The following GPC5 variants were observed in gnomAD, a reference collection of about 807,000 sequenced individuals.
GPC5 encodes the protein glypican 5, also known as glypican-5.
In GPC5, 47 loss-of-function variants were observed where a neutral mutation model predicts 53.9. The ratio of observed to expected loss-of-function variants is 0.87; its 90% CI spans 0.69 to 1.11. The LOEUF is 1.11. Ranked by LOEUF, GPC5 falls within the 50% of genes most tolerant of loss-of-function variation. The pLI, the probability that GPC5 is intolerant of heterozygous loss-of-function variation, is 0.00. For missense variants in GPC5, 748 were observed against 713.1 expected (o/e 1.05, Z -0.56); for synonymous variants, 286 against 263.3 (o/e 1.09, Z -0.84).
In GPC5 at chr13:92,180,153, T is replaced by A. The variant is rs61967882; in HGVS notation, c.1561+35164T>A. 5.0e-3 allele frequency among the ~76,000 whole-genome samples: 755 copies of A among 152,324 alleles called. 6 individuals are homozygous for A. Among genetic ancestry groups the A allele is most frequent in the Middle Eastern group, 6.8e-3 (2 of 294 alleles). On this transcript the variant is annotated intron_variant, in intron 7 of 7. Coordinates refer to ENST00000377067, the MANE Select transcript of GPC5 (RefSeq NM_004466.6). ...CATGTGGTGGTCCAGGATACCCAGCTTATGCATGAAAACTGCAGGTTTGGT... is the reference window on the plus strand; with the variant it reads ...CATGTGGTGGTCCAGGATACCCAGCATATGCATGAAAACTGCAGGTTTGGT...
chr13:91,914,014 T>G (rs1314095795), intron 6 of GPC5, among the ~76,000 whole-genome samples: 2 of 152,332 alleles, frequency 1.3e-5, no homozygotes, highest in East Asian at 3.9e-4. Context: ...TGCGAGAGCC[T>G]TTTTAATTTA....
At chr13:91,655,457 A>C (rs2034822799) in intron 2 of GPC5, among the ~76,000 whole-genome samples, 1 of 152,152 alleles carries the variant, frequency 6.6e-6, no homozygotes, top group Non-Finnish European at 1.5e-5. Context: ...TTTTTAAATT[A>C]AATATATCAC....
chr13:92,746,707 C>A (rs1032101447), intron 7 of GPC5, among the ~76,000 whole-genome samples: 1 of 152,080 alleles, frequency 6.6e-6, no homozygotes, highest in African/African-American at 2.4e-5. Context: ...AACACAATAT[C>A]CTGATGTGGG....
chr13:92,164,427 T>C (rs983959758), intron 7 of GPC5, among the ~76,000 whole-genome samples: 2 of 152,098 alleles, frequency 1.3e-5, no homozygotes, highest in Admixed American at 1.3e-4. Flanking sequence ...AAATCCAAAA[T>C]CCAATAGGGC....
intron 7 of GPC5, among the ~76,000 whole-genome samples, chr13:92,417,296 C>T (rs1876355207): frequency 6.6e-6 from 1 of 152,068 alleles, no homozygotes; most frequent in Non-Finnish European, 1.5e-5. Flanking sequence ...AATGAACACT[C>T]CGATGAGATA....
intron 7 of GPC5, among the ~76,000 whole-genome samples, chr13:92,250,293 C>T (rs1383938930): frequency 3.3e-5 from 5 of 152,184 alleles, no homozygotes; most frequent in Admixed American, 1.3e-4. Context: ...GAGTTTTGCT[C>T]GTAATACGTG....
intron 7 of GPC5, among the ~76,000 whole-genome samples, chr13:92,411,463 T>C (rs1334619622): frequency 6.6e-6 from 1 of 152,184 alleles, no homozygotes; most frequent in East Asian, 1.9e-4. Context: ...CATGTAAATA[T>C]TATTGTGGAG....
chr13:92,071,845 A>G (rs1271237470), intron 6 of GPC5, among the ~76,000 whole-genome samples: 1 of 147,548 alleles, frequency 6.8e-6, no homozygotes, highest in Non-Finnish European at 1.5e-5. Context: ...TCATATATAT[A>G]TAACGAATTT....
rs1157250135 is a variant in GPC5 at position 92,381,900 on chromosome 13, C to T, written c.1561+236911C>T. ...TATGATTATATATATTATATATAAT[C>T]ATATATATGATATATATAATCATAT... On this transcript the variant is annotated intron_variant, in intron 7 of 7. Transcript: ENST00000377067. 7.8e-3 allele frequency among the ~76,000 whole-genome samples: 875 copies of T among 111,572 alleles called. 36 individuals carry two copies. The highest frequency in any genetic ancestry group is 0.031 in the African/African-American group (823 of 26,946). The allele number at this position is 111,572 out of a possible 152,430, so 73.2% of individuals were successfully genotyped here.
At chr13:92,281,141 C>T (rs1405816663) in intron 7 of GPC5, among the ~76,000 whole-genome samples, 2 of 152,160 alleles carry the variant, frequency 1.3e-5, no homozygotes, top group Non-Finnish European at 2.9e-5. Flanking sequence ...CACGGAGCCT[C>T]GCTCATTGCT....
At chr13:92,549,105 T>A (rs988469332) in intron 7 of GPC5, among the ~76,000 whole-genome samples, 3 of 152,084 alleles carry the variant, frequency 2.0e-5, no homozygotes, top group African/African-American at 4.8e-5. Flanking sequence ...AAAAACAAGA[T>A]AGAGAATGAA....
At chr13:91,783,849 C>T (rs900916690) in intron 5 of GPC5, among the ~76,000 whole-genome samples, 3 of 152,162 alleles carry the variant, frequency 2.0e-5, no homozygotes, top group Non-Finnish European at 4.4e-5. Context: ...GTCTCTATAT[C>T]AGTGATTAAT....
intron 6 of GPC5, among the ~76,000 whole-genome samples, chr13:91,920,926 C>CTTTTTTTTT (rs869309251): frequency 3.1e-5 from 1 of 32,162 alleles, no homozygotes; most frequent in African/African-American, 1.2e-4. Context: ...CTCTCTCTCT[C>CTTTTTTTTT]TTTTTTTTTT....
chr13:92,358,181 A>T (rs190377418), intron 7 of GPC5, among the ~76,000 whole-genome samples: 26 of 151,950 alleles, frequency 1.7e-4, no homozygotes, highest in Admixed American at 1.4e-3. Flanking sequence ...TACAGGCTCC[A>T]TGCAAGTCCA....
At chr13:92,190,273 A>G (rs559865713) in intron 7 of GPC5, among the ~76,000 whole-genome samples, 145 of 152,306 alleles carry the variant, frequency 9.5e-4, no homozygotes, top group African/African-American at 3.4e-3. Context: ...ACTTTCTTAG[A>G]CAAACAGAAT....
intron 5 of GPC5, among the ~76,000 whole-genome samples, chr13:91,907,008 C>A (rs2039560087): frequency 6.7e-6 from 1 of 148,716 alleles, no homozygotes; most frequent in African/African-American, 2.5e-5. Context: ...TATATATATG[C>A]CACATGTGTG....
intron 7 of GPC5, among the ~76,000 whole-genome samples, chr13:92,678,753 CTG>C (rs1295375810): frequency 6.6e-6 from 1 of 152,134 alleles, no homozygotes; most frequent in African/African-American, 2.4e-5. Context: ...TAATAGTCTG[CTG>C]TCTGCTGAGA....
intron 2 of GPC5, among the ~76,000 whole-genome samples, chr13:91,476,870 GC>G (rs1478157120): frequency 1.3e-5 from 2 of 152,250 alleles, no homozygotes; most frequent in Non-Finnish European, 1.5e-5. Context: ...AAAGAAAATG[GC>G]TGAAAGTGAA....
At chr13:92,158,659 C>G (rs2041963245) in intron 7 of GPC5, among the ~76,000 whole-genome samples, 1 of 152,118 alleles carries the variant, frequency 6.6e-6, no homozygotes, top group Non-Finnish European at 1.5e-5. Flanking sequence ...ATCCCCACTG[C>G]TACTATCTTA....
Sources: allele counts gnomAD v4.1 joint callset (sites outside exome capture counted in the v4.1 genomes callset), GRCh38; gene constraint gnomAD v4.1.1; transcripts MANE v1.5; gene names NCBI Gene and HGNC (gene_info 2026-07-23, HGNC 2026-07-21).